Variants in SLC5A1 observed in about 807,000 individuals in gnomAD.
The protein encoded by SLC5A1 is solute carrier family 5 member 1.
A neutral mutation model predicts 73.5 loss-of-function variants in SLC5A1; 42 were observed. The observed-to-expected ratio is 0.57, with a 90% confidence interval of 0.45 to 0.74. SLC5A1 has a LOEUF of 0.74. SLC5A1 is among the 30% of genes least tolerant of loss of function. The probability of loss-of-function intolerance (pLI) is 0.00; values close to 1 mark genes in which losing one functional copy is unlikely to be tolerated. For synonymous variants in SLC5A1, 300 were observed against 317.4 expected (o/e 0.95, Z 0.58); for missense variants, 634 against 855.4 (o/e 0.74, Z 3.23).
intron 1 of SLC5A1, among the ~76,000 whole-genome samples, chr22:32,048,351 G>A (rs748882361): frequency 2.0e-5 from 3 of 152,146 alleles, no homozygotes; most frequent in Non-Finnish European, 4.4e-5. Flanking sequence ...GAAATAATCC[G>A]AAGGCTTAGA....
At chr22:32,085,917 G>A (rs1311928272) in intron 9 of SLC5A1, among the ~76,000 whole-genome samples, 1 of 152,064 alleles carries the variant, frequency 6.6e-6, no homozygotes, top group Non-Finnish European at 1.5e-5. Context: ...TGAGGCGGGT[G>A]GATCACGAGG....
rs200944555 is a variant in SLC5A1, at chr22:32,083,041, G to A, written c.584-33G>A. On this transcript the variant is annotated intron_variant, in intron 6 of 14. Coordinates refer to ENST00000266088, the MANE Select transcript of SLC5A1 (RefSeq NM_000343.4). ...CAAGTAGACAGGTCACCCTCCACAC[G>A]AGGTCAGATGTGTTGTCTTCTTGCC... 82 of 1,598,858 alleles carry A rather than the reference G, an allele frequency of 5.1e-5. No individual in the cohort carries two copies. The East Asian group carries it at 1.2e-3, about 23-fold the overall frequency.
At chr22:32,061,292 G>A (rs1479934003) in intron 2 of SLC5A1, among the ~76,000 whole-genome samples, 1 of 152,128 alleles carries the variant, frequency 6.6e-6, no homozygotes, top group Non-Finnish European at 1.5e-5. Context: ...GCATGCAGCT[G>A]TAGTCCCAGC....
chr22:32,091,502 A>G, intron 10 of SLC5A1, 110 bp from the exon 11 acceptor site: 1 of 1,244,610 alleles, frequency 8.0e-7, no homozygotes, highest in Non-Finnish European at 1.2e-6. Context: ...GAAATTGGAT[A>G]ACATGGCATG....
chr22:32,104,709 A>C, intron 13 of SLC5A1, 77 bp from the exon 14 acceptor site: 1 of 1,080,418 alleles, frequency 9.3e-7, no homozygotes, highest in Non-Finnish European at 1.4e-6. Context: ...CTTGATGCAT[A>C]TCTCTTTGCC....
intron 9 of SLC5A1, among the ~76,000 whole-genome samples, chr22:32,085,335 A>G (rs1331288420): frequency 1.3e-5 from 2 of 151,816 alleles, no homozygotes; most frequent in Non-Finnish European, 2.9e-5. Context: ...TATGTTGCTC[A>G]GGCTGGTCTT....
At chr22:32,061,242 G>T (rs2093962361) in intron 2 of SLC5A1, among the ~76,000 whole-genome samples, 1 of 152,206 alleles carries the variant, frequency 6.6e-6, no homozygotes, top group South Asian at 2.1e-4. Context: ...TAGCCAATAT[G>T]GTCAAACCCT....
At chr22:32,072,439 C>T (rs116415121) in intron 5 of SLC5A1, among the ~76,000 whole-genome samples, 3,241 of 152,226 alleles carry the variant, frequency 0.021, 121 homozygotes, top group African/African-American at 0.075. Flanking sequence ...ATATGTGCCA[C>T]ATTTTCTTTA....
rs1159642726 is a variant in SLC5A1, at chr22:32,102,135, C to T, written c.1563C>T (p.Ile521=). The change falls in exon 13 of 15, where the codon ATC becomes ATT. Residue 521 remains isoleucine (I), a synonymous_variant. Transcript: ENST00000266088. Reference sequence around the variant, plus strand: ...AGCCCAGCAACTGTCCCACGATTATCTGTGGGGTGCACTACTTGTACTTTG... The same window carrying T: ...AGCCCAGCAACTGTCCCACGATTATTTGTGGGGTGCACTACTTGTACTTTG... ...CMEPSNCPTI[I]CGVHYLYFAI... is the part of the protein sequence containing the mutation. 1 of 1,613,374 alleles carries T rather than the reference C, an allele frequency of 6.2e-7. No individual in the cohort carries two copies. Among genetic ancestry groups the T allele is most frequent in the Non-Finnish European group, 8.5e-7 (1 of 1,179,456 alleles).
At chr22:32,058,539 G>A (rs1380850865) in intron 2 of SLC5A1, among the ~76,000 whole-genome samples, 2 of 152,000 alleles carry the variant, frequency 1.3e-5, no homozygotes, top group African/African-American at 2.4e-5. Context: ...GCTTAAAACC[G>A]AGTCCTAAAA....
intron 6 of SLC5A1, 90 bp from the exon 7 acceptor site, chr22:32,082,984 C>T: frequency 1.1e-6 from 1 of 888,010 alleles, no homozygotes; most frequent in Admixed American, 2.6e-5. Flanking sequence ...AGAAGGCCAG[C>T]AGAAGTAGAG....
chr22:32,075,512 G>A (rs1037693541), intron 5 of SLC5A1, among the ~76,000 whole-genome samples: 2 of 152,194 alleles, frequency 1.3e-5, no homozygotes, highest in African/African-American at 2.4e-5. Context: ...GAACTGGGAT[G>A]AGAAGCAGAT....
At chr22:32,090,541 T>C (rs1394124362) in intron 10 of SLC5A1, among the ~76,000 whole-genome samples, 1 of 152,190 alleles carries the variant, frequency 6.6e-6, no homozygotes, top group Non-Finnish European at 1.5e-5. Context: ...GTCAATTGCT[T>C]ATGCATTTTG....
intron 5 of SLC5A1, among the ~76,000 whole-genome samples, chr22:32,080,031 T>C (rs2093997061): frequency 6.6e-6 from 1 of 152,170 alleles, no homozygotes; most frequent in Non-Finnish European, 1.5e-5. Context: ...CAGGACTTCC[T>C]GCATAAACAC....
chr22:32,075,937 G>T (rs940817977), intron 5 of SLC5A1, among the ~76,000 whole-genome samples: 1 of 152,114 alleles, frequency 6.6e-6, no homozygotes, highest in Non-Finnish European at 1.5e-5. Flanking sequence ...ATGGACAAAA[G>T]AAAATAACTG....
chr22:32,066,208 A>G (rs1267231075), intron 2 of SLC5A1, among the ~76,000 whole-genome samples: 3 of 152,168 alleles, frequency 2.0e-5, no homozygotes, highest in Non-Finnish European at 2.9e-5. Flanking sequence ...ATGTGCTTCC[A>G]ATCTGTCTTC....
rs150174422 is a variant in SLC5A1 at position 32,069,140 on chromosome 22, G to A, written c.477+540G>A. 1.0e-3 allele frequency among the ~76,000 whole-genome samples: 157 copies of A among 152,294 alleles called. 1 individual carries two copies. Among genetic ancestry groups the A allele is most frequent in the African/African-American group, 3.6e-3 (151 of 41,570 alleles). On this transcript the variant is annotated intron_variant, in intron 5 of 14. Transcript: ENST00000266088. ...ATATGCTGTCCATGTCCATAACATG[G>A]ATGAACCTGAAGAACATTGTGTTAA... is the stretch of plus-strand genomic sequence containing the variant.
intron 5 of SLC5A1, among the ~76,000 whole-genome samples, chr22:32,071,988 C>T (rs2093983587): frequency 6.6e-6 from 1 of 152,144 alleles, no homozygotes; most frequent in African/African-American, 2.4e-5. Flanking sequence ...TTAGCTTTAA[C>T]AATTGTCAAC....
In SLC5A1 at chr22:32,066,919, T is replaced by G; in HGVS notation, c.208-16T>G. 1.3e-6 allele frequency: 2 copies of G among 1,596,832 alleles called. No individual in the cohort carries two copies. The highest frequency in any genetic ancestry group is 1.7e-6 in the Non-Finnish European group (2 of 1,164,594). ...AGAGCACAGAGCCCTCACCTGACTT[T>G]CTTTTGCGTTTCCAGATTGGAGCCT... On this transcript the variant is annotated splice_polypyrimidine_tract_variant and intron_variant, in intron 2 of 14. Transcript: ENST00000266088.
Sources: allele counts gnomAD v4.1 joint callset (sites outside exome capture counted in the v4.1 genomes callset), GRCh38; gene constraint gnomAD v4.1.1; transcripts MANE v1.5; gene names NCBI Gene and HGNC (gene_info 2026-07-23, HGNC 2026-07-21).